The following CTNNA2 variants were observed in gnomAD, a reference collection of about 807,000 sequenced individuals.
CTNNA2 encodes catenin alpha-2.
CTNNA2 carries 42 observed loss-of-function variants against 101.0 expected under a neutral mutation model. The ratio of observed to expected loss-of-function variants is 0.42; its 90% CI spans 0.32 to 0.54. CTNNA2 has a LOEUF of 0.54. CTNNA2 is among the 20% of genes least tolerant of loss of function. The pLI is 0.14. For missense variants in CTNNA2, 871 were observed against 1,223.1 expected (o/e 0.71, Z 4.29); for synonymous variants, 450 against 456.4 (o/e 0.99, Z 0.18).
chr2:79,839,014 A>C (rs560872467), intron 3 of CTNNA2, among the ~76,000 whole-genome samples: 12 of 152,072 alleles, frequency 7.9e-5, no homozygotes, highest in African/African-American at 2.9e-4. Context: ...AACTGGGCAA[A>C]GTTTTTTTAT....
At chr2:80,623,039 G>A (rs1046402161) in intron 18 of CTNNA2, among the ~76,000 whole-genome samples, 5 of 130,322 alleles carry the variant, frequency 3.8e-5, no homozygotes, top group Admixed American at 8.4e-5. Flanking sequence ...GACTACTAGC[G>A]CTAGTTTCTA....
At chr2:80,170,205 C>G (rs141666226) in intron 7 of CTNNA2, among the ~76,000 whole-genome samples, 6 of 148,884 alleles carry the variant, frequency 4.0e-5, no homozygotes, top group East Asian at 1.9e-4. Flanking sequence ...CTCTCTCTCT[C>G]TCTATCTCTC....
chr2:80,397,455 T>C (rs573319872), intron 8 of CTNNA2, among the ~76,000 whole-genome samples: 4 of 152,272 alleles, frequency 2.6e-5, no homozygotes, highest in Admixed American at 2.6e-4. Flanking sequence ...AATTCCCTTA[T>C]GTCATGGGAG....
intron 6 of CTNNA2, among the ~76,000 whole-genome samples, chr2:79,888,161 G>T (rs943275617): frequency 6.6e-6 from 1 of 152,148 alleles, no homozygotes; most frequent in Admixed American, 6.5e-5. Context: ...CCCTACCTCT[G>T]GGATGGTGAT....
At chr2:80,637,431 C>A (rs1672995074) in intron 18 of CTNNA2, among the ~76,000 whole-genome samples, 1 of 151,622 alleles carries the variant, frequency 6.6e-6, no homozygotes, top group African/African-American at 2.4e-5. Context: ...AGGTTTCCCT[C>A]AGTAGGAGAG....
At chr2:80,529,006 C>T (rs1476791577) in intron 9 of CTNNA2, among the ~76,000 whole-genome samples, 9 of 152,172 alleles carry the variant, frequency 5.9e-5, no homozygotes, top group Admixed American at 5.9e-4. Context: ...TTGAAGAACA[C>T]AACCAGAAAG....
At chr2:80,002,951 T>G (rs1335253383) in intron 7 of CTNNA2, among the ~76,000 whole-genome samples, 1 of 152,180 alleles carries the variant, frequency 6.6e-6, no homozygotes, top group Non-Finnish European at 1.5e-5. Context: ...GGGATGCTTA[T>G]CCCCATGTGG....
intron 1 of CTNNA2, among the ~76,000 whole-genome samples, chr2:79,564,531 G>A (rs1381330749): frequency 1.3e-5 from 2 of 152,180 alleles, no homozygotes; most frequent in East Asian, 1.9e-4. Flanking sequence ...GGGGGCTTAC[G>A]CATTCTTAGC....
intron 1 of CTNNA2, among the ~76,000 whole-genome samples, chr2:79,648,237 C>G (rs1680964853): frequency 3.3e-5 from 5 of 152,122 alleles, no homozygotes; most frequent in Admixed American, 3.3e-4. Flanking sequence ...GGGCCACATA[C>G]CAAATCATCA....
intron 7 of CTNNA2, among the ~76,000 whole-genome samples, chr2:80,128,259 G>A (rs1702241770): frequency 6.6e-6 from 1 of 152,130 alleles, no homozygotes; most frequent in Non-Finnish European, 1.5e-5. Context: ...ATGGTGGAAA[G>A]GAATTTAACT....
chr2:79,248,764 A>G (rs920553371), intron 2 of CTNNA2, among the ~76,000 whole-genome samples: 1 of 152,212 alleles, frequency 6.6e-6, no homozygotes, highest in Non-Finnish European at 1.5e-5. Flanking sequence ...GGATTGACTC[A>G]TGTAGCTTTG....
At chr2:80,605,709 A>G (rs1697944291) in intron 16 of CTNNA2, 1 of 151,962 alleles carries the variant, frequency 6.6e-6, no homozygotes. Context: ...TGATTTTACT[A>G]TCAGGATTGC....
intron 7 of CTNNA2, among the ~76,000 whole-genome samples, chr2:80,079,224 T>A (rs1248426364): frequency 6.6e-6 from 1 of 152,128 alleles, no homozygotes; most frequent in African/African-American, 2.4e-5. Flanking sequence ...AAAGGTAGTT[T>A]CTGCCCTCAC....
intron 4 of CTNNA2, among the ~76,000 whole-genome samples, chr2:79,474,198 A>G (rs1671028959): frequency 6.6e-6 from 1 of 152,192 alleles, no homozygotes; most frequent in African/African-American, 2.4e-5. Context: ...TTTAAAATTC[A>G]TGTTCATGCC....
chr2:79,333,863 T>G (rs1676931565), intron 3 of CTNNA2, among the ~76,000 whole-genome samples: 1 of 152,150 alleles, frequency 6.6e-6, no homozygotes, highest in South Asian at 2.1e-4. Flanking sequence ...TTTTTTAACG[T>G]ATGTCTCCAA....
At chr2:79,460,889 T>C (rs1670870686) in intron 4 of CTNNA2, among the ~76,000 whole-genome samples, 1 of 152,162 alleles carries the variant, frequency 6.6e-6, no homozygotes, top group Non-Finnish European at 1.5e-5. Flanking sequence ...TCACCCAGGC[T>C]GGAGTGCAGT....
intron 4 of CTNNA2, among the ~76,000 whole-genome samples, chr2:79,477,957 C>T (rs1351995835): frequency 1.3e-5 from 2 of 152,180 alleles, no homozygotes; most frequent in Non-Finnish European, 1.5e-5. Flanking sequence ...TACTTTTAAG[C>T]AATGGAAATC....
intron 7 of CTNNA2, among the ~76,000 whole-genome samples, chr2:80,097,421 C>T (rs1558804673): frequency 6.6e-6 from 1 of 152,202 alleles, no homozygotes. Flanking sequence ...CGACCTTTCT[C>T]TCTGGCTGCC....
chr2:80,188,506 T>C (rs747418141), intron 7 of CTNNA2, among the ~76,000 whole-genome samples: 1 of 152,060 alleles, frequency 6.6e-6, no homozygotes, highest in Admixed American at 6.6e-5. Flanking sequence ...AGATTAGAAG[T>C]CCAATATGGT....
Sources: allele counts gnomAD v4.1 joint callset (sites outside exome capture counted in the v4.1 genomes callset), GRCh38; gene constraint gnomAD v4.1.1; transcripts MANE v1.5; gene names NCBI Gene and HGNC (gene_info 2026-07-23, HGNC 2026-07-21).